Variants in ESD observed in about 807,000 individuals in gnomAD.
The protein encoded by ESD is S-formylglutathione hydrolase.
Under a neutral mutation model 38.1 loss-of-function variants are expected in ESD, and 34 were observed. The observed-to-expected ratio is 0.89, with a 90% CI of 0.68 to 1.19. ESD has a LOEUF of 1.19. Among genes scored for constraint, ESD ranks in the 50% most tolerant of loss-of-function variants. The pLI is 0.00. For missense variants in ESD, 334 were observed against 327.2 expected, an observed-to-expected ratio of 1.02 and a Z score of -0.16; for synonymous variants, 97 against 107.0, an observed-to-expected ratio of 0.91 and a Z score of 0.58.
chr13:46,789,943 G>C (rs1265560219), intron 3 of ESD, among the ~76,000 whole-genome samples: 3 of 151,320 alleles, frequency 2.0e-5, no homozygotes, highest in Non-Finnish European at 4.4e-5. Context: ...AGCCTCCTAA[G>C]TAGCTGGGAC....
chr13:46,797,264 G>C (rs976757311), upstream of ESD: 1 of 152,572 alleles, frequency 6.6e-6, no homozygotes, highest in African/African-American at 2.4e-5. Flanking sequence ...CTCCAGTTCA[G>C]TCTCCATGGC....
intron 1 of ESD, among the ~76,000 whole-genome samples, chr13:46,796,611 C>G (rs1566286450): frequency 6.6e-6 from 1 of 152,346 alleles, no homozygotes; most frequent in East Asian, 1.9e-4. Context: ...TCGGCACCAT[C>G]AGGTGAGTGC....
At chr13:46,776,667 C>T (rs1874809077) in intron 9 of ESD, 1 of 152,094 alleles carries the variant, frequency 6.6e-6, no homozygotes, top group Non-Finnish European at 1.5e-5. Flanking sequence ...TACCACATTA[C>T]ACACTGATCT....
At chr13:46,773,019 G>A (rs1173639413) in intron 9 of ESD, among the ~76,000 whole-genome samples, 1 of 152,102 alleles carries the variant, frequency 6.6e-6, no homozygotes, top group East Asian at 1.9e-4. Context: ...TTAGTTTGTT[G>A]AGGATAATGG....
At chr13:46,772,965 T>C (rs1483274484) in intron 9 of ESD, among the ~76,000 whole-genome samples, 1 of 152,214 alleles carries the variant, frequency 6.6e-6, no homozygotes, top group Admixed American at 6.5e-5. Context: ...ATTACAGGCG[T>C]GAGCCACTGC....
intron 1 of ESD, among the ~76,000 whole-genome samples, chr13:46,794,387 TAC>T (rs1448566736): frequency 6.6e-6 from 1 of 152,158 alleles, no homozygotes; most frequent in Non-Finnish European, 1.5e-5. Flanking sequence ...CAGGTTGTAG[TAC>T]AGTTGCATAA....
intron 9 of ESD, chr13:46,776,808 AAT>A (rs1874814200): frequency 6.6e-6 from 1 of 152,058 alleles, no homozygotes; most frequent in African/African-American, 2.4e-5. Context: ...TTCACTCTAA[AAT>A]ATTTTAAATT....
In ESD at chr13:46,772,832, A is replaced by C. The variant is rs560188878; in HGVS notation, c.769-1336T>G. 2.6e-4 allele frequency among the ~76,000 whole-genome samples: 40 copies of C among 152,078 alleles called. No individual in the cohort carries two copies. In the South Asian group the frequency reaches 4.1e-3, roughly 16 times the overall value. Reference sequence around the variant, plus strand: ...CCCGACTAGCTGGGACTACAGGTGCATGCCACCATGCCCAGCTAATTTTTT... The same window carrying C: ...CCCGACTAGCTGGGACTACAGGTGCCTGCCACCATGCCCAGCTAATTTTTT... On this transcript the variant is annotated intron_variant, in intron 9 of 9. Transcript: ENST00000378720.
chr13:46,773,814 T>A (rs1204354305), intron 9 of ESD, among the ~76,000 whole-genome samples: 2 of 152,208 alleles, frequency 1.3e-5, no homozygotes, highest in African/African-American at 4.8e-5. Flanking sequence ...CTCTCAATGA[T>A]TAGACTAGTC....
chr13:46,786,966 C>G (rs1875213741), intron 4 of ESD, 55 bp downstream of exon 4: 1 of 1,132,248 alleles, frequency 8.8e-7, no homozygotes, highest in Non-Finnish European at 1.2e-6. Context: ...GTAAGATAAG[C>G]CAGTTAAAAA....
intron 8 of ESD, among the ~76,000 whole-genome samples, chr13:46,779,100 C>A (rs1365135644): frequency 6.6e-6 from 1 of 151,610 alleles, no homozygotes; most frequent in Non-Finnish European, 1.5e-5. Flanking sequence ...CCCATTTCTG[C>A]ACAAGAGTAA....
intron 9 of ESD, chr13:46,776,246 T>A (rs1357242893): frequency 6.5e-6 from 1 of 152,682 alleles, no homozygotes; most frequent in Non-Finnish European, 1.5e-5. Flanking sequence ...AGACAAACAG[T>A]ATATCATGTA....
At chr13:46,784,408 A>T (rs1875119718) in intron 4 of ESD, 58 bp from the exon 5 acceptor site, 1 of 1,158,412 alleles carries the variant, frequency 8.6e-7, no homozygotes, top group African/African-American at 1.5e-5. Context: ...TGCACCATTA[A>T]TACTGGGGAC....
chr13:46,793,973 T>C (rs367764704), intron 1 of ESD, among the ~76,000 whole-genome samples: 20 of 152,140 alleles, frequency 1.3e-4, no homozygotes, highest in African/African-American at 4.6e-4. Context: ...GTGACTGATA[T>C]TCAGTAAGAA....
intron 5 of ESD, 139 bp downstream of exon 5, chr13:46,784,113 G>C: frequency 1.7e-6 from 1 of 605,496 alleles, no homozygotes; most frequent in South Asian, 2.5e-5. Context: ...GTATTTTGGA[G>C]TCATGATGCC....
chr13:46,796,946 C>T (rs1875604717), intron 1 of ESD, among the ~76,000 whole-genome samples, 159 bp downstream of exon 1: 1 of 152,244 alleles, frequency 6.6e-6, no homozygotes, highest in Admixed American at 6.5e-5. Context: ...GGCCTCCTGT[C>T]ATGGATGGTG....
intron 9 of ESD, among the ~76,000 whole-genome samples, chr13:46,774,038 C>G (rs1458754105): frequency 6.6e-6 from 1 of 152,070 alleles, no homozygotes; most frequent in Non-Finnish European, 1.5e-5. Flanking sequence ...GGTACAGATG[C>G]AGGGAAACAG....
intron 7 of ESD, 82 bp from the exon 8 acceptor site, chr13:46,780,115 T>C: frequency 1.1e-6 from 1 of 923,660 alleles, no homozygotes; most frequent in South Asian, 1.8e-5. Flanking sequence ...TACTTAAAAA[T>C]ATAGAAGTTA....
At chr13:46,791,494 T>G in intron 2 of ESD, 74 bp from the exon 3 acceptor site, 1 of 1,068,574 alleles carries the variant, frequency 9.4e-7, no homozygotes, top group South Asian at 1.4e-5. Flanking sequence ...ACTAATTGCC[T>G]TCAGATAAAT....
Sources: gnomAD v4.1 joint callset for allele counts (sites outside exome capture counted in the v4.1 genomes callset) on GRCh38, gnomAD v4.1.1 for gene constraint, MANE v1.5 for transcripts, NCBI Gene and HGNC (gene_info 2026-07-23, HGNC 2026-07-21) for gene names.